The following TGFB1 variants were observed in gnomAD, a reference collection of about 807,000 sequenced individuals.
The protein encoded by TGFB1 is transforming growth factor beta 1.
A neutral mutation model predicts 43.8 loss-of-function variants in TGFB1; 19 were observed. The observed-to-expected ratio is 0.43, with a 90% CI of 0.30 to 0.64. The LOEUF is 0.64. Among genes scored for constraint, TGFB1 ranks in the 30% least tolerant of loss-of-function variants. TGFB1 has a pLI of 0.11. For missense variants in TGFB1, 445 were observed against 529.8 expected (o/e 0.84, Z 1.57); for synonymous variants, 221 against 236.3 (o/e 0.94, Z 0.60).
intron 2 of TGFB1, among the ~76,000 whole-genome samples, chr19:41,345,252 T>C (rs1180393285): frequency 6.6e-6 from 1 of 152,162 alleles, no homozygotes; most frequent in Non-Finnish European, 1.5e-5. Context: ...ATCCCAGCAC[T>C]TTGGGAGCCC....
chr19:41,345,222 C>G (rs11466327), intron 2 of TGFB1, among the ~76,000 whole-genome samples: 1 of 152,122 alleles, frequency 6.6e-6, no homozygotes, highest in Non-Finnish European at 1.5e-5. Flanking sequence ...CTGGGCCGGG[C>G]GCAGTGGCTC....
intron 1 of TGFB1, among the ~76,000 whole-genome samples, chr19:41,352,270 CTCTCCTT>C (rs1375815674): frequency 6.6e-6 from 1 of 151,970 alleles, no homozygotes; most frequent in Non-Finnish European, 1.5e-5. Flanking sequence ...TCTCCAGCGC[CTCTCCTT>C]TCCCAAATGC....
chr19:41,342,395 T>C, intron 3 of TGFB1, 148 bp from the exon 4 acceptor site: 4 of 361,842 alleles, frequency 1.1e-5, no homozygotes, highest in South Asian at 6.2e-5. Context: ...TCTCTCTTTT[T>C]TTTTTTTTTT....
intron 2 of TGFB1, among the ~76,000 whole-genome samples, chr19:41,345,809 G>A (rs1304080130): frequency 6.6e-6 from 1 of 152,106 alleles, no homozygotes; most frequent in Non-Finnish European, 1.5e-5. Context: ...GGCTGAGGCA[G>A]GAGAATCACT....
In TGFB1 at chr19:41,341,909, T is replaced by C. The variant is rs746014542; in HGVS notation, c.834A>G (p.Arg278=). The C allele has an allele frequency of 6.2e-7, 1 of 1,613,830 alleles. No individual in the cohort carries two copies. The highest frequency in any genetic ancestry group is 8.5e-7 in the Non-Finnish European group (1 of 1,179,924). Residue 278 remains arginine (R), a synonymous_variant, in exon 5 of 7, where the codon CGA becomes CGG. Transcript: ENST00000221930. ...AQHLQSSRHR[R]ALDTNYCFSS... ...TGAAGCAATAGTTGGTGTCCAGGGC[T>C]CGGCGGTGCCGGGAGCTTTGCAGAT... is the stretch of plus-strand genomic sequence containing the variant.
intron 3 of TGFB1, among the ~76,000 whole-genome samples, chr19:41,343,903 C>T (rs1047239322): frequency 2.5e-5 from 3 of 118,920 alleles, no homozygotes; most frequent in Admixed American, 2.3e-4. Context: ...CAATCATCTC[C>T]TGGACAGATC....
chr19:41,342,071 C>T (rs1426551651), intron 4 of TGFB1, 41 bp from the exon 5 acceptor site: 1 of 1,614,112 alleles, frequency 6.2e-7, no homozygotes. Flanking sequence ...GACATACACA[C>T]ACACTCTCAG....
At chr19:41,349,011 A>C (rs11466321) in intron 1 of TGFB1, among the ~76,000 whole-genome samples, 1 of 152,116 alleles carries the variant, frequency 6.6e-6, no homozygotes, top group Admixed American at 6.6e-5. Flanking sequence ...GGTCCTAACC[A>C]CATTCCTCTC....
At chr19:41,343,591 G>A (rs2038083143) in intron 3 of TGFB1, among the ~76,000 whole-genome samples, 1 of 152,088 alleles carries the variant, frequency 6.6e-6, no homozygotes, top group Non-Finnish European at 1.5e-5. Flanking sequence ...CATCCTGCAT[G>A]CCTCCCTGTC....
intron 1 of TGFB1, 119 bp from the exon 2 acceptor site, chr19:41,348,574 C>CTTTT (rs869100783): frequency 2.2e-6 from 1 of 457,918 alleles, no homozygotes; most frequent in African/African-American, 2.3e-5. Flanking sequence ...TCTCTGATAC[C>CTTTT]TTTTATTTAT....
intron 1 of TGFB1, among the ~76,000 whole-genome samples, chr19:41,350,492 G>C (rs1412413431): frequency 6.6e-6 from 1 of 152,050 alleles, no homozygotes; most frequent in East Asian, 1.9e-4. Flanking sequence ...ATTTTTAGTA[G>C]AGACCGGGTT....
At chr19:41,338,170 T>C (rs1401423996) in intron 5 of TGFB1, among the ~76,000 whole-genome samples, 4 of 149,946 alleles carry the variant, frequency 2.7e-5, no homozygotes, top group African/African-American at 9.8e-5. Flanking sequence ...CCAGCCTGGG[T>C]GACACAGCTA....
At chr19:41,347,087 A>G (rs1350799995) in intron 2 of TGFB1, among the ~76,000 whole-genome samples, 1 of 152,008 alleles carries the variant, frequency 6.6e-6, no homozygotes, top group Non-Finnish European at 1.5e-5. Flanking sequence ...CAGTGGTGCA[A>G]TCACAGTTCA....
rs188080621 is a variant in TGFB1, at chr19:41,341,865, C to A, written c.860+18G>T. Reference sequence around the variant, plus strand: ...TGCCCCCAGCCTGGAAGGCCTCCATCCAGGCTACAAGGCTCACCTGAAGCA... The same window carrying A: ...TGCCCCCAGCCTGGAAGGCCTCCATACAGGCTACAAGGCTCACCTGAAGCA... On this transcript the variant is annotated intron_variant, in intron 5 of 6. Transcript: ENST00000221930. 6.2e-7 allele frequency: 1 copy of A among 1,612,756 alleles called. No homozygotes were observed. The highest frequency in any genetic ancestry group is 1.1e-5 in the South Asian group (1 of 91,020).
intron 5 of TGFB1, among the ~76,000 whole-genome samples, chr19:41,334,486 TG>T (rs2037968886): frequency 7.3e-6 from 1 of 137,578 alleles, no homozygotes; most frequent in African/African-American, 2.8e-5. Flanking sequence ...TGGAGTGCAG[TG>T]GTGCAATCTT....
At chr19:41,333,611 G>A (rs59466792) in intron 5 of TGFB1, among the ~76,000 whole-genome samples, 2 of 152,064 alleles carry the variant, frequency 1.3e-5, no homozygotes, top group African/African-American at 4.8e-5. Context: ...CGCACGCCTC[G>A]GCCTCCCAAA....
chr19:41,332,359 G>C (rs2037943267), intron 5 of TGFB1, 78 bp from the exon 6 acceptor site: 2 of 1,531,670 alleles, frequency 1.3e-6, no homozygotes, highest in African/African-American at 2.7e-5. Context: ...CCCCAGGTGC[G>C]TGTGTCACCC....
In TGFB1 at chr19:41,353,880, A is replaced by C; in HGVS notation, c.-836T>G. ...CGCTGTCTGGCTGCTCCGCGGAGGG[A>C]GGTGGGAGGGAGATGGCCCAGGGCG... On this transcript the variant is annotated 5_prime_UTR_variant, in exon 1 of 7. Coordinates refer to ENST00000221930, the MANE Select transcript of TGFB1 (RefSeq NM_000660.7). The surrounding 1 kb of genome is among the most constrained non-coding windows in gnomAD (Gnocchi z 5.9). 1 of 171,384 alleles carries C rather than the reference A, an allele frequency of 5.8e-6. No individual in the cohort carries two copies. The highest frequency in any genetic ancestry group is 1.2e-5 in the Non-Finnish European group (1 of 82,136). The allele number at this position is 171,384 out of a possible 1,614,324, so 10.6% of individuals were successfully genotyped here. A position where few individuals can be genotyped will look rare whatever the true frequency, so the allele number is the denominator to read the frequency against.
chr19:41,352,273 T>C (rs1185639933), intron 1 of TGFB1, among the ~76,000 whole-genome samples: 2 of 151,406 alleles, frequency 1.3e-5, no homozygotes, highest in African/African-American at 4.9e-5. Context: ...CCAGCGCCTC[T>C]CCTTTCCCAA....
Sources: gnomAD v4.1 joint callset for allele counts (sites outside exome capture counted in the v4.1 genomes callset) on GRCh38, gnomAD v4.1.1 for gene constraint, Gnocchi (gnomAD v3.1) non-coding constraint, MANE v1.5 for transcripts, NCBI Gene and HGNC (gene_info 2026-07-23, HGNC 2026-07-21) for gene names.